OPTN: variants seen among roughly 807,000 people sequenced by gnomAD.
The protein encoded by OPTN is E3-14.7K-interacting protein.
In OPTN, 54 loss-of-function variants were observed where a neutral mutation model predicts 70.4. That is an observed-to-expected ratio of 0.77 (90% CI 0.62 to 0.96). OPTN has a LOEUF of 0.96. OPTN is among the 40% of genes least tolerant of loss of function. The pLI is 0.00. For missense variants in OPTN, 624 were observed against 673.2 expected, an observed-to-expected ratio of 0.93 and a Z score of 0.81; for synonymous variants, 256 against 248.5, an observed-to-expected ratio of 1.03 and a Z score of -0.28.
In OPTN at chr10:13,118,930, G is replaced by T. The variant is rs778107336; in HGVS notation, c.669G>T (p.Lys223Asn). ...GGAGCAGATCTGCAGATGGGGCCAAGAATTACTTCGAACATGAGGAGTTAA... is the reference window on the plus strand; with the variant it reads ...GGAGCAGATCTGCAGATGGGGCCAATAATTACTTCGAACATGAGGAGTTAA... ...KYRSRSADGAKNYFEHEELTV... is the reference protein window; with the variant it reads ...KYRSRSADGANNYFEHEELTV... The change falls in exon 7 of 15, where the codon AAG becomes AAT. Residue 223 changes from lysine to asparagine, a missense_variant. By Grantham distance (94) the Lys-to-Asn change is moderately conservative. Coordinates refer to ENST00000378747, the MANE Select transcript of OPTN (RefSeq NM_001008212.2). 2.4e-5 allele frequency: 38 copies of T among 1,614,042 alleles called. No homozygotes were observed. In the Admixed American group the frequency reaches 4.0e-4, roughly 17 times the overall value.
intron 12 of OPTN, among the ~76,000 whole-genome samples, chr10:13,128,502 CTTTTTTTTTTTTTTTT>C (rs56147136): frequency 3.0e-4 from 10 of 33,490 alleles, no homozygotes; most frequent in South Asian, 1.1e-3. Context: ...TCAAGCCTGC[CTTTTTTTTTTTTTTTT>C]TTTTTTTTTT....
At chr10:13,133,277 C>T (rs754794421) in intron 13 of OPTN, among the ~76,000 whole-genome samples, 4 of 152,176 alleles carry the variant, frequency 2.6e-5, no homozygotes, top group Admixed American at 6.5e-5. Context: ...CTGTTTCCTA[C>T]TGATGACAGT....
intron 14 of OPTN, among the ~76,000 whole-genome samples, chr10:13,135,873 C>T (rs942159163): frequency 2.0e-5 from 3 of 152,236 alleles, no homozygotes; most frequent in South Asian, 4.2e-4. Flanking sequence ...CATGTATTTT[C>T]GCATACCTTG....
chr10:13,133,635 T>C lies in OPTN; in HGVS notation c.1612+54T>C. The C allele has an allele frequency of 3.3e-6, 5 of 1,520,418 alleles. No individual in the cohort carries two copies. In the South Asian group the frequency reaches 4.5e-5, roughly 14 times the overall value. The allele number at this position is 1,520,418 out of a possible 1,614,324, so 94.2% of individuals were successfully genotyped here. A position where few individuals can be genotyped will look rare whatever the true frequency, so the allele number is the denominator to read the frequency against. ...GGAAATAGCTATCCTATGAAAAAGA[T>C]GCTTGAAGAAAAATTCCACTTCATT... On this transcript the variant is annotated intron_variant, in intron 14 of 14. Transcript: ENST00000378747.
chr10:13,122,626 C>T, intron 8 of OPTN, 139 bp downstream of exon 8: 2 of 720,828 alleles, frequency 2.8e-6, no homozygotes, highest in Non-Finnish European at 5.1e-6. Context: ...CTATCTATTC[C>T]TTTTATATGT....
At chr10:13,109,591 C>T (rs991923509) in intron 3 of OPTN, 11 of 345,812 alleles carry the variant, frequency 3.2e-5, no homozygotes, top group East Asian at 1.3e-4. Flanking sequence ...TTTGGGAGGC[C>T]GAGGCAGAAG....
rs56147136 is a variant in OPTN at position 13,128,502 on chromosome 10, C to CTTT, written c.1401+629_1401+631dup. On this transcript the variant is annotated intron_variant, in intron 12 of 14. Coordinates refer to ENST00000378747, the MANE Select transcript of OPTN (RefSeq NM_001008212.2). Reference sequence around the variant, plus strand: ...TTGTGAAGTGCCTTATCAAGCCTGCCTTTTTTTTTTTTTTTTTTTTTTTTT... The same window carrying CTTT: ...TTGTGAAGTGCCTTATCAAGCCTGCCTTTTTTTTTTTTTTTTTTTTTTTTTTTT... Among the ~76,000 whole-genome samples, 40 of 33,460 alleles carry CTTT rather than the reference C, an allele frequency of 1.2e-3. 6 individuals are homozygous for CTTT. The highest frequency in any genetic ancestry group is 3.4e-3 in the African/African-American group (21 of 6,132). 22.0% of individuals were successfully genotyped at this position (33,460 alleles called of 152,430 possible). A position where few individuals can be genotyped will look rare whatever the true frequency, so the allele number is the denominator to read the frequency against.
At chr10:13,109,076 G>T in intron 2 of OPTN, 36 bp from the exon 3 acceptor site, 1 of 1,603,656 alleles carries the variant, frequency 6.2e-7, no homozygotes, top group Non-Finnish European at 8.5e-7. Context: ...GTGGGGCGGG[G>T]GACAGCTCTA....
chr10:13,106,494 C>T (rs886427091), intron 1 of OPTN, among the ~76,000 whole-genome samples: 8 of 152,200 alleles, frequency 5.3e-5, no homozygotes, highest in African/African-American at 1.7e-4. Flanking sequence ...TATGGTTTAT[C>T]AGTGTTTTCT....
intron 7 of OPTN, among the ~76,000 whole-genome samples, chr10:13,119,909 A>T (rs1187880671): frequency 6.6e-6 from 1 of 152,108 alleles, no homozygotes; most frequent in East Asian, 1.9e-4. Flanking sequence ...TTTTATGTTG[A>T]ATTATAAGAG....
rs1459115466 is a variant in OPTN at position 13,127,822 on chromosome 10, A to G, written c.1320A>G (p.Lys440=). Residue 440 remains lysine (K), a synonymous_variant, in exon 12 of 15, where the codon AAA becomes AAG. Transcript: ENST00000378747. The part of the protein sequence containing the change: ...LELAEKALAS[K]QLQMDEMKQT... ...TGGCAGAGAAGGCTCTGGCTTCCAA[A>G]CAGCTGCAAATGGATGAAATGAAGC... 1.2e-6 allele frequency: 2 copies of G among 1,614,052 alleles called. No homozygotes were observed.
chr10:13,111,245 G>A (rs1281299786), intron 4 of OPTN, among the ~76,000 whole-genome samples: 2 of 152,166 alleles, frequency 1.3e-5, no homozygotes, highest in African/African-American at 4.8e-5. Flanking sequence ...CACAGCTTAT[G>A]AGTCCACTGT....
At chr10:13,122,363 T>A (rs766083165) in intron 7 of OPTN, 22 bp from the exon 8 acceptor site, 1 of 1,543,040 alleles carries the variant, frequency 6.5e-7, no homozygotes, top group Non-Finnish European at 9.0e-7. Context: ...AAGTAACTTT[T>A]CTATCTTCTG....
rs535472125 is a variant in OPTN at position 13,118,700 on chromosome 10, C to T, written c.627-188C>T. Reference sequence around the variant, plus strand: ...GCCTCACTGAGTCTCCACACCTTCCCTAGGAAGCATGGAGGAGCTTGGCAC... The same window carrying T: ...GCCTCACTGAGTCTCCACACCTTCCTTAGGAAGCATGGAGGAGCTTGGCAC... On this transcript the variant is annotated intron_variant, in intron 6 of 14. Coordinates refer to ENST00000378747, the MANE Select transcript of OPTN (RefSeq NM_001008212.2). Among the ~76,000 whole-genome samples, 104 of 152,314 alleles carry T rather than the reference C, an allele frequency of 6.8e-4. 1 individual carries two copies. The highest frequency in any genetic ancestry group is 2.4e-3 in the African/African-American group (101 of 41,580).
intron 7 of OPTN, among the ~76,000 whole-genome samples, chr10:13,121,289 T>C (rs1391204428): frequency 6.6e-6 from 1 of 152,060 alleles, no homozygotes; most frequent in East Asian, 1.9e-4. Context: ...CTGTTGGCTC[T>C]TCTGGGTTCT....
chr10:13,116,582 C>T (rs1370338051), intron 6 of OPTN: 1 of 556,078 alleles, frequency 1.8e-6, no homozygotes. Flanking sequence ...TGGTGTCTCA[C>T]CTCCAGCAGA....
intron 11 of OPTN, 151 bp from the exon 12 acceptor site, chr10:13,127,594 C>G: frequency 2.5e-6 from 2 of 802,602 alleles, no homozygotes; most frequent in South Asian, 1.7e-5. Context: ...TGGGCTCAAA[C>G]GATCCTCCCA....
At chr10:13,118,740 C>T in intron 6 of OPTN, 148 bp from the exon 7 acceptor site, 1 of 739,634 alleles carries the variant, frequency 1.4e-6, no homozygotes, top group Non-Finnish European at 2.4e-6. Context: ...GGTCCCAGGA[C>T]CAGCTGTGCT....
intron 9 of OPTN, among the ~76,000 whole-genome samples, chr10:13,125,052 C>T (rs1268826358): frequency 2.0e-5 from 3 of 152,120 alleles, no homozygotes; most frequent in African/African-American, 2.4e-5. Context: ...ATTGACAGAA[C>T]CTATAACTTT....
Sources: allele counts gnomAD v4.1 joint callset (sites outside exome capture counted in the v4.1 genomes callset), GRCh38; gene constraint gnomAD v4.1.1; transcripts MANE v1.5; gene names NCBI Gene and HGNC (gene_info 2026-07-23, HGNC 2026-07-21).